Variants in TNS1 observed in about 807,000 individuals in gnomAD.
The protein encoded by TNS1 is tensin-1.
In TNS1, 62 loss-of-function variants were observed where a neutral mutation model predicts 168.6. The ratio of observed to expected loss-of-function variants is 0.37; its 90% CI spans 0.30 to 0.45. TNS1 has a LOEUF of 0.45. Among genes scored for constraint, TNS1 ranks in the 20% least tolerant of loss-of-function variants. The pLI is 1.00. For synonymous variants in TNS1, 934 were observed against 933.2 expected, an observed-to-expected ratio of 1.00 and a Z score of -0.02; for missense variants, 2,240 against 2,339.4, an observed-to-expected ratio of 0.96 and a Z score of 0.88.
chr2:217,962,662 A>C (rs1445211984), intron 3 of TNS1, among the ~76,000 whole-genome samples: 1 of 152,230 alleles, frequency 6.6e-6, no homozygotes, highest in African/African-American at 2.4e-5. Flanking sequence ...CCAGTTAATA[A>C]ATGTAGAAAG....
rs115924871 is a variant in TNS1, at chr2:217,986,176, G to A, written c.148+4766C>T. ...ACCCAGGGTCTTCCCACCCTACCAG[G>A]CTACCTCTGGTGGCTCCAAGGAGGC... is the stretch of plus-strand genomic sequence containing the variant. On this transcript the variant is annotated intron_variant, in intron 2 of 32. Transcript: ENST00000682258. The surrounding 1 kb of genome is among the most constrained non-coding windows in gnomAD (Gnocchi z 4.7). Among the ~76,000 whole-genome samples, 1 of 152,144 alleles carries A rather than the reference G, an allele frequency of 6.6e-6. No homozygotes were observed. Among genetic ancestry groups the A allele is most frequent in the Non-Finnish European group, 1.5e-5 (1 of 68,006 alleles).
At position 217,818,925 on chromosome 2, in the gene TNS1, G is replaced by A. The variant is rs1350338970; in HGVS notation, c.3573-166C>T. 4.3e-4 allele frequency among the ~76,000 whole-genome samples: 66 copies of A among 152,196 alleles called. 2 individuals carry two copies. Among genetic ancestry groups the A allele is most frequent in the Admixed American group, 4.3e-3 (66 of 15,286 alleles). ...TATACGTTACCTTACAGAACCATCA[G>A]AAGAAGAAACTGAGGCTCAGGGAGG... On this transcript the variant is annotated intron_variant, in intron 23 of 32. Transcript: ENST00000682258.
At chr2:217,966,268 C>CGTGTGTGTGTGTGT (rs3838555) in intron 3 of TNS1, among the ~76,000 whole-genome samples, 12 of 140,842 alleles carry the variant, frequency 8.5e-5, no homozygotes, top group South Asian at 2.4e-4. Flanking sequence ...GAGCAGGCTG[C>CGTGTGTGTGTGTGT]GTGTGTGTGT....
chr2:217,905,330 A>C, intron 6 of TNS1: 1 of 436,686 alleles, frequency 2.3e-6, no homozygotes, highest in Non-Finnish European at 4.6e-6. Flanking sequence ...TTTAAGAGGC[A>C]TGCTCCCTGC....
At chr2:217,908,695 C>T (rs1238660212) in intron 4 of TNS1, among the ~76,000 whole-genome samples, 1 of 152,166 alleles carries the variant, frequency 6.6e-6, no homozygotes, top group Non-Finnish European at 1.5e-5. Flanking sequence ...ACCCCTACTG[C>T]CTGGAAGACA....
chr2:218,027,668 T>A (rs1182453782), intron 1 of TNS1, among the ~76,000 whole-genome samples: 3 of 151,538 alleles, frequency 2.0e-5, no homozygotes, highest in East Asian at 3.9e-4. Flanking sequence ...GAGGTTGGGG[T>A]AGAGATGTCA....
At chr2:218,023,988 G>A (rs1263435074) in intron 1 of TNS1, among the ~76,000 whole-genome samples, 2 of 152,208 alleles carry the variant, frequency 1.3e-5, no homozygotes, top group South Asian at 2.1e-4. Context: ...AGTGCAGGCA[G>A]GTACCAACCA....
At chr2:217,943,308 C>G (rs2098603985) in intron 3 of TNS1, among the ~76,000 whole-genome samples, 1 of 152,134 alleles carries the variant, frequency 6.6e-6, no homozygotes, top group South Asian at 2.1e-4. Context: ...CCTGCCAGCC[C>G]CTCCCTGCAG....
intron 18 of TNS1, among the ~76,000 whole-genome samples, chr2:217,871,872 A>G (rs1949805737): frequency 6.6e-6 from 1 of 152,256 alleles, no homozygotes; most frequent in Non-Finnish European, 1.5e-5. Flanking sequence ...CCTCTCTGTG[A>G]GCAACCTTTC....
intron 3 of TNS1, among the ~76,000 whole-genome samples, chr2:217,953,264 A>AGAGTG (rs1243039014): frequency 1.3e-5 from 2 of 152,110 alleles, no homozygotes; most frequent in Non-Finnish European, 2.9e-5. Context: ...AAGGGGTGGG[A>AGAGTG]GAGTGCGGGG....
Position 218,032,496 on chromosome 2 carries a change from C to T in TNS1, c.156+1324G>A, listed in dbSNP as rs1379591750. 2.6e-5 allele frequency among the ~76,000 whole-genome samples: 4 copies of T among 152,242 alleles called. No homozygotes were observed. Among genetic ancestry groups the T allele is most frequent in the East Asian group, 1.9e-4 (1 of 5,176 alleles). ...TGGTCAAAGAGAGATGCTGGGCCTACGGCAGGGCCTGGGGCAGGAATGGGG... is the reference window on the plus strand; with the variant it reads ...TGGTCAAAGAGAGATGCTGGGCCTATGGCAGGGCCTGGGGCAGGAATGGGG... On this transcript the variant is annotated intron_variant, in intron 1 of 1. Coordinates refer to the TNS1 transcript ENST00000649572. The surrounding 1 kb of genome is among the most constrained non-coding windows in gnomAD (Gnocchi z 4.0).
rs1369720175 is a variant in TNS1, at chr2:218,025,997, C to T, written c.156+7823G>A. On this transcript the variant is annotated intron_variant, in intron 1 of 1. Transcript: ENST00000649572. Reference sequence around the variant, plus strand: ...GTTACATTGCGGTGTGAGGCTCTCCCAGCCTCCCCTAGCCCTTTCATTTCA... The same window carrying T: ...GTTACATTGCGGTGTGAGGCTCTCCTAGCCTCCCCTAGCCCTTTCATTTCA... 3.9e-5 allele frequency among the ~76,000 whole-genome samples: 6 copies of T among 152,326 alleles called. No homozygotes were observed. The East Asian group carries it at 1.2e-3, about 29-fold the overall frequency.
chr2:217,984,334 C>G (rs1958135055), intron 2 of TNS1, among the ~76,000 whole-genome samples: 1 of 152,190 alleles, frequency 6.6e-6, no homozygotes, highest in African/African-American at 2.4e-5. Context: ...GCTTGTCCAA[C>G]CTGCAGGCTG....
intron 18 of TNS1, among the ~76,000 whole-genome samples, chr2:217,851,462 C>CAG (rs1947476652): frequency 6.6e-6 from 1 of 151,884 alleles, no homozygotes. Flanking sequence ...CACACACACA[C>CAG]ACACACACAC....
At chr2:217,892,442 C>A (rs1951836437) in intron 11 of TNS1, among the ~76,000 whole-genome samples, 2 of 152,216 alleles carry the variant, frequency 1.3e-5, no homozygotes, top group Admixed American at 6.5e-5. Context: ...ATGGGTGAAT[C>A]CCTCTGCCTC....
chr2:217,954,201 T>C (rs942580990), intron 3 of TNS1, among the ~76,000 whole-genome samples: 1 of 152,324 alleles, frequency 6.6e-6, no homozygotes, highest in East Asian at 1.9e-4. Flanking sequence ...AGCCAGGGGC[T>C]GGGCTCCTAG....
intron 22 of TNS1, among the ~76,000 whole-genome samples, chr2:217,827,456 G>A (rs1050361616): frequency 3.3e-5 from 5 of 152,144 alleles, no homozygotes; most frequent in Admixed American, 2.0e-4. Context: ...AGTGGCACAT[G>A]AGTCAGGAAA....
chr2:217,979,083 G>C (rs373675574), intron 2 of TNS1: 3 of 439,896 alleles, frequency 6.8e-6, no homozygotes, highest in East Asian at 8.3e-5. Context: ...GGAGCAAAGG[G>C]GGGGGTCCCC....
chr2:218,026,276 G>A (rs944768563), intron 1 of TNS1, among the ~76,000 whole-genome samples: 1 of 152,144 alleles, frequency 6.6e-6, no homozygotes, highest in Non-Finnish European at 1.5e-5. Flanking sequence ...TAAGCTCGAA[G>A]GCCGCTTGTA....
Sources: gnomAD v4.1 joint callset for allele counts (sites outside exome capture counted in the v4.1 genomes callset) on GRCh38, gnomAD v4.1.1 for gene constraint, Gnocchi (gnomAD v3.1) non-coding constraint, MANE v1.5 for transcripts, NCBI Gene and HGNC (gene_info 2026-07-23, HGNC 2026-07-21) for gene names.